Variants in UCK2 observed in about 807,000 individuals in gnomAD.
UCK2 encodes the protein cytidine monophosphokinase 2.
In UCK2, 6 loss-of-function variants were observed where a neutral mutation model predicts 30.8. The observed-to-expected ratio is 0.19, with a 90% CI of 0.11 to 0.38. The LOEUF is 0.38. Among genes scored for constraint, UCK2 ranks in the 10% least tolerant of loss-of-function variants. UCK2 has a pLI of 1.00. For missense variants in UCK2, 210 were observed against 339.8 expected, an observed-to-expected ratio of 0.62 and a Z score of 3.00; for synonymous variants, 125 against 133.6, an observed-to-expected ratio of 0.94 and a Z score of 0.45.
chr1:165,898,020 T>G (rs897189389), intron 4 of UCK2: 1 of 152,134 alleles, frequency 6.6e-6, no homozygotes, highest in Non-Finnish European at 1.5e-5. Flanking sequence ...AGTTGCATGG[T>G]CATTTTGGAT....
At chr1:165,873,264 G>T (rs1416101141) in intron 1 of UCK2, among the ~76,000 whole-genome samples, 1 of 152,172 alleles carries the variant, frequency 6.6e-6, no homozygotes, top group Admixed American at 6.5e-5. Flanking sequence ...AAGTCAGTAT[G>T]CAATTGATTG....
chr1:165,879,230 C>G (rs1655412447), intron 1 of UCK2, among the ~76,000 whole-genome samples: 1 of 152,170 alleles, frequency 6.6e-6, no homozygotes, highest in Admixed American at 6.5e-5. Flanking sequence ...AACCTCTTAT[C>G]AGGCATGCCT....
In UCK2 at chr1:165,910,354, C is replaced by G. The variant is rs1647812632; in HGVS notation, c.*2531C>G. On this transcript the variant is annotated 3_prime_UTR_variant, in exon 7 of 7. Transcript: ENST00000367879. ...GACCAGAAACCATGACATTTGCCATCTAGGTACTCTGCTGTTCAGGGTGGA... is the reference window on the plus strand; with the variant it reads ...GACCAGAAACCATGACATTTGCCATGTAGGTACTCTGCTGTTCAGGGTGGA... 1 of 152,232 alleles carries G rather than the reference C, an allele frequency of 6.6e-6. No individual in the cohort carries two copies. Among genetic ancestry groups the G allele is most frequent in the African/African-American group, 2.4e-5 (1 of 41,428 alleles). 9.4% of individuals were successfully genotyped at this position (152,232 alleles called of 1,614,324 possible).
chr1:165,840,429 A>G (rs954181937), intron 1 of UCK2, among the ~76,000 whole-genome samples: 15 of 152,214 alleles, frequency 9.9e-5, no homozygotes, highest in African/African-American at 3.4e-4. Flanking sequence ...TTTCAAGTAT[A>G]CAATACATTG....
chr1:165,839,495 T>C lies in UCK2; in HGVS notation c.99+11563T>C, dbSNP rs188246703. ...TTCTGGGAAGAACTCAGTCCTAGCC[T>C]GCCATGAGGCTCTTCTTGCTGGGTC... On this transcript the variant is annotated intron_variant, in intron 1 of 6. Coordinates refer to ENST00000367879, the MANE Select transcript of UCK2 (RefSeq NM_012474.5). 1.2e-3 allele frequency among the ~76,000 whole-genome samples: 176 copies of C among 152,084 alleles called. 1 individual carries two copies. The highest frequency in any genetic ancestry group is 4.1e-3 in the African/African-American group (169 of 41,476).
intron 1 of UCK2, among the ~76,000 whole-genome samples, chr1:165,850,616 A>AT (rs3077616): frequency 4.3e-5 from 5 of 116,770 alleles, no homozygotes; most frequent in South Asian, 3.0e-4. Context: ...TAATTTTTAA[A>AT]TTTTTTTTTT....
At chr1:165,835,282 G>A (rs1654158960) in intron 1 of UCK2, among the ~76,000 whole-genome samples, 1 of 146,552 alleles carries the variant, frequency 6.8e-6, no homozygotes, top group Non-Finnish European at 1.5e-5. Flanking sequence ...AGAGAATTCT[G>A]GAGAATTCTT....
intron 1 of UCK2, among the ~76,000 whole-genome samples, chr1:165,856,019 G>A (rs1654734805): frequency 1.3e-5 from 2 of 152,108 alleles, no homozygotes; most frequent in Admixed American, 6.5e-5. Context: ...AGAATAAAAT[G>A]TGAAAATAGG....
chr1:165,849,315 C>T (rs1178169962), intron 1 of UCK2, among the ~76,000 whole-genome samples: 1 of 152,152 alleles, frequency 6.6e-6, no homozygotes, highest in East Asian at 1.9e-4. Context: ...TGGAGAGCTT[C>T]TGTTCTGAGA....
intron 5 of UCK2, among the ~76,000 whole-genome samples, chr1:165,904,565 A>G (rs1647588022): frequency 6.6e-6 from 1 of 152,268 alleles, no homozygotes; most frequent in Non-Finnish European, 1.5e-5. Context: ...ACTTAGTTGT[A>G]ACAAAGCTAA....
In UCK2 at chr1:165,862,161, T is replaced by C. The variant is rs75213754; in HGVS notation, c.100-28043T>C. Among the ~76,000 whole-genome samples the C allele has an allele frequency of 3.1e-3, 469 of 152,306 alleles. 1 individual carries two copies. The highest frequency in any genetic ancestry group is 0.011 in the African/African-American group (451 of 41,562). ...TGGCTCTCATCAATCTCTTTGTTCA[T>C]ATGCACAGGCTCTTAATCTCTGTTT... On this transcript the variant is annotated intron_variant, in intron 1 of 6. Coordinates refer to ENST00000367879, the MANE Select transcript of UCK2 (RefSeq NM_012474.5).
At chr1:165,887,326 C>T (rs747944102) in intron 1 of UCK2, among the ~76,000 whole-genome samples, 3 of 152,072 alleles carry the variant, frequency 2.0e-5, no homozygotes, top group Admixed American at 6.6e-5. Context: ...TTGGGATGAG[C>T]GCTGATTTTC....
chr1:165,902,103 G>T (rs890676796), intron 4 of UCK2, among the ~76,000 whole-genome samples: 3 of 152,140 alleles, frequency 2.0e-5, no homozygotes, highest in Non-Finnish European at 4.4e-5. Flanking sequence ...AGGCGTGGTG[G>T]CAGGTGCCTG....
At chr1:165,847,449 A>G (rs139742352) in intron 1 of UCK2, among the ~76,000 whole-genome samples, 237 of 152,284 alleles carry the variant, frequency 1.6e-3, no homozygotes, top group African/African-American at 5.6e-3. Flanking sequence ...TCTTCACCCC[A>G]GCCCATTTTT....
chr1:165,829,996 TTTTG>T (rs1571259687), intron 1 of UCK2, among the ~76,000 whole-genome samples: 3 of 152,210 alleles, frequency 2.0e-5, no homozygotes, highest in African/African-American at 7.2e-5. Context: ...TGGCTAATTT[TTTTG>T]TTTGTTTGAT....
intron 4 of UCK2, among the ~76,000 whole-genome samples, chr1:165,899,984 G>C (rs1480780327): frequency 6.6e-6 from 1 of 152,200 alleles, no homozygotes; most frequent in Non-Finnish European, 1.5e-5. Context: ...TGCTTTTCCA[G>C]CGTGGAAGCT....
chr1:165,874,389 C>A (rs953669797), intron 1 of UCK2, among the ~76,000 whole-genome samples: 2 of 152,164 alleles, frequency 1.3e-5, no homozygotes, highest in Non-Finnish European at 2.9e-5. Context: ...GGGGGACTCA[C>A]GTACAGAGCC....
intron 4 of UCK2, among the ~76,000 whole-genome samples, chr1:165,897,140 AC>A (rs1647285870): frequency 6.6e-6 from 1 of 152,054 alleles, no homozygotes; most frequent in Admixed American, 6.5e-5. Flanking sequence ...CCTGGAGTGT[AC>A]AGAGGGTTGT....
intron 5 of UCK2, chr1:165,904,094 G>A (rs1021773328): frequency 3.3e-5 from 5 of 152,226 alleles, no homozygotes; most frequent in African/African-American, 1.2e-4. Context: ...GGAAGGAAGA[G>A]CTTGGGACTT....
Sources: gnomAD v4.1 joint callset for allele counts (sites outside exome capture counted in the v4.1 genomes callset) on GRCh38, gnomAD v4.1.1 for gene constraint, MANE v1.5 for transcripts, NCBI Gene and HGNC (gene_info 2026-07-23, HGNC 2026-07-21) for gene names.